Variants in CTIF observed in about 807,000 individuals in gnomAD.
CTIF encodes the protein cap binding complex dependent translation initiation factor, also known as CBP80/20-dependent translation initiation factor.
Under a neutral mutation model 66.0 loss-of-function variants are expected in CTIF, and 21 were observed. The ratio of observed to expected loss-of-function variants is 0.32; its 90% confidence interval spans 0.23 to 0.46. CTIF has a LOEUF of 0.46. Ranked by LOEUF, CTIF falls within the 20% of genes least tolerant of loss-of-function variation. The probability of loss-of-function intolerance (pLI) is 1.00; values close to 1 mark genes in which losing one functional copy is unlikely to be tolerated. For synonymous variants in CTIF, 345 were observed against 326.4 expected (o/e 1.06, Z -0.62); for missense variants, 739 against 812.7 (o/e 0.91, Z 1.10).
intron 9 of CTIF, among the ~76,000 whole-genome samples, chr18:48,776,725 AGGAGGTCTAGGACTAG>A (rs1223478926): frequency 6.6e-6 from 1 of 152,252 alleles, no homozygotes; most frequent in Non-Finnish European, 1.5e-5. Context: ...GAAGGTTGCA[AGGAGGTCTAGGACTAG>A]GGAGAGGCTG....
In CTIF at chr18:48,720,895, C is replaced by T. The variant is rs896268067; in HGVS notation, c.584+9200C>T. Among the ~76,000 whole-genome samples the T allele has an allele frequency of 6.6e-5, 10 of 152,300 alleles. No individual in the cohort carries two copies. In the East Asian group the frequency reaches 7.7e-4, roughly 12 times the overall value. ...CACCCATGAGGGATATACCTTCCCC[C>T]GATCCCCATGCTCAGGACTTCCTCC... On this transcript the variant is annotated intron_variant, in intron 7 of 11. Coordinates refer to ENST00000256413, the MANE Select transcript of CTIF (RefSeq NM_014772.3).
intron 7 of CTIF, 69 bp from the exon 8 acceptor site, chr18:48,757,850 G>T (rs554075528): frequency 2.0e-6 from 3 of 1,535,766 alleles, no homozygotes; most frequent in African/African-American, 2.8e-5. Flanking sequence ...TGTTCTGGCG[G>T]CTGGGCACAG....
chr18:48,667,533 C>T lies in CTIF; in HGVS notation c.431+2982C>T, dbSNP rs575213396. Among the ~76,000 whole-genome samples, 9 of 152,212 alleles carry T rather than the reference C, an allele frequency of 5.9e-5. No homozygotes were observed. The East Asian group carries it at 1.7e-3, about 29-fold the overall frequency. Reference sequence around the variant, plus strand: ...TATTGACTACAGGTGCCCAATGGGGCCTGCATGTTGAAGGCAAGCTTGCCA... The same window carrying T: ...TATTGACTACAGGTGCCCAATGGGGTCTGCATGTTGAAGGCAAGCTTGCCA... On this transcript the variant is annotated intron_variant, in intron 5 of 11. Coordinates refer to ENST00000256413, the MANE Select transcript of CTIF (RefSeq NM_014772.3).
chr18:48,544,765 G>T (rs1205565680), intron 1 of CTIF, among the ~76,000 whole-genome samples: 1 of 152,200 alleles, frequency 6.6e-6, no homozygotes, highest in Non-Finnish European at 1.5e-5. Flanking sequence ...GACCTAAGAG[G>T]TTTACTTGAT....
intron 7 of CTIF, among the ~76,000 whole-genome samples, chr18:48,757,006 C>T (rs1222810048): frequency 6.6e-6 from 1 of 152,080 alleles, no homozygotes; most frequent in Non-Finnish European, 1.5e-5. Flanking sequence ...GCTGGAAGTC[C>T]AAGATGAAGG....
intron 7 of CTIF, among the ~76,000 whole-genome samples, chr18:48,748,711 G>T (rs1907498374): frequency 6.6e-6 from 1 of 152,194 alleles, no homozygotes; most frequent in Non-Finnish European, 1.5e-5. Context: ...ACCACATCAG[G>T]CTTTCTCTCC....
chr18:48,667,082 G>GACACACACACACACACACACAC (rs4044188), intron 5 of CTIF, among the ~76,000 whole-genome samples: 62 of 142,276 alleles, frequency 4.4e-4, no homozygotes, highest in Middle Eastern at 3.5e-3. Flanking sequence ...CAGGAAAGTA[G>GACACACACACACACACACACAC]ACACACACAC....
At chr18:48,639,151 G>A (rs575830885) in intron 3 of CTIF, among the ~76,000 whole-genome samples, 6 of 152,264 alleles carry the variant, frequency 3.9e-5, no homozygotes, top group Non-Finnish European at 8.8e-5. Flanking sequence ...TGGGACGGAA[G>A]GGAAGGCTCA....
intron 1 of CTIF, among the ~76,000 whole-genome samples, chr18:48,599,043 G>A (rs1428195523): frequency 6.6e-6 from 1 of 152,190 alleles, no homozygotes; most frequent in Non-Finnish European, 1.5e-5. Context: ...TGCGTGGGAG[G>A]ACTGCCCACC....
intron 1 of CTIF, among the ~76,000 whole-genome samples, chr18:48,617,610 T>C (rs1001549834): frequency 2.6e-5 from 4 of 152,036 alleles, no homozygotes; most frequent in African/African-American, 9.7e-5. Context: ...TGGGGAGGTA[T>C]AAGGTCCTGT....
At chr18:48,730,769 G>A (rs954457794) in intron 7 of CTIF, among the ~76,000 whole-genome samples, 3 of 148,400 alleles carry the variant, frequency 2.0e-5, no homozygotes, top group Admixed American at 6.7e-5. Flanking sequence ...GGGCCCCCAC[G>A]ATGAACGCAG....
chr18:48,837,294 G>A (rs1167891262), intron 10 of CTIF, among the ~76,000 whole-genome samples: 1 of 152,172 alleles, frequency 6.6e-6, no homozygotes, highest in African/African-American at 2.4e-5. Context: ...CACAGGGTGG[G>A]GGCGAGAAGG....
intron 6 of CTIF, among the ~76,000 whole-genome samples, chr18:48,705,853 A>G (rs1423773549): frequency 6.6e-6 from 1 of 152,236 alleles, no homozygotes; most frequent in Admixed American, 6.5e-5. Flanking sequence ...TCTTCTCCCA[A>G]GAAGTCCTCG....
At chr18:48,626,645 GTTTTTTTTTTGT>G (rs2090606213) in intron 2 of CTIF, among the ~76,000 whole-genome samples, 1 of 122,796 alleles carries the variant, frequency 8.1e-6, no homozygotes, top group African/African-American at 3.3e-5. Flanking sequence ...GCACCTGGCC[GTTTTTTTTTTGT>G]TTTTTTTTTT....
chr18:48,590,247 A>G (rs911917752), intron 1 of CTIF, among the ~76,000 whole-genome samples: 12 of 152,202 alleles, frequency 7.9e-5, no homozygotes, highest in Admixed American at 3.3e-4. Flanking sequence ...CTGGGGCCAC[A>G]CTGGATGCCA....
At chr18:48,721,802 G>A (rs559084898) in intron 7 of CTIF, among the ~76,000 whole-genome samples, 1 of 151,936 alleles carries the variant, frequency 6.6e-6, no homozygotes, top group Non-Finnish European at 1.5e-5. Context: ...AAAGAACACT[G>A]GACCAGAAGT....
At chr18:48,540,573 G>A (rs1229459172) in intron 1 of CTIF, among the ~76,000 whole-genome samples, 4 of 151,882 alleles carry the variant, frequency 2.6e-5, no homozygotes, top group Admixed American at 2.6e-4. Flanking sequence ...TTGGTTCCGC[G>A]GAGTTTTCAG....
intron 3 of CTIF, among the ~76,000 whole-genome samples, chr18:48,653,946 C>G (rs2091201803): frequency 6.6e-6 from 1 of 152,144 alleles, no homozygotes; most frequent in African/African-American, 2.4e-5. Context: ...AAACTGGATC[C>G]CTTCCTTACA....
intron 1 of CTIF, among the ~76,000 whole-genome samples, chr18:48,554,998 A>G (rs1471424509): frequency 6.9e-6 from 1 of 144,666 alleles, no homozygotes; most frequent in African/African-American, 2.6e-5. Flanking sequence ...AGAGTGCCAA[A>G]TCTTCTTTTG....
Sources: allele counts gnomAD v4.1 joint callset (sites outside exome capture counted in the v4.1 genomes callset), GRCh38; gene constraint gnomAD v4.1.1; transcripts MANE v1.5; gene names NCBI Gene and HGNC (gene_info 2026-07-23, HGNC 2026-07-21).